Variants in MRPL3 observed in about 807,000 individuals in gnomAD.
MRPL3 encodes the protein large ribosomal subunit protein uL3m.
A neutral mutation model predicts 44.3 loss-of-function variants in MRPL3; 43 were observed. That is an observed-to-expected ratio of 0.97 (90% confidence interval 0.76 to 1.25). The LOEUF (loss-of-function observed/expected upper bound fraction) is 1.25. Among genes scored for constraint, MRPL3 ranks in the 50% most tolerant of loss-of-function variants. The probability of loss-of-function intolerance (pLI) is 0.00; values close to 1 mark genes in which losing one functional copy is unlikely to be tolerated. For synonymous variants in MRPL3, 171 were observed against 152.3 expected (o/e 1.12, Z -0.91); for missense variants, 406 against 427.6 (o/e 0.95, Z 0.45).
chr3:131,489,589 T>C (rs931174877), intron 5 of MRPL3, among the ~76,000 whole-genome samples: 24 of 152,126 alleles, frequency 1.6e-4, no homozygotes, highest in African/African-American at 5.3e-4. Context: ...AATCTTTACA[T>C]TGAGGTGCTA....
chr3:131,493,247 C>T (rs1422186604), intron 4 of MRPL3, among the ~76,000 whole-genome samples: 5 of 152,110 alleles, frequency 3.3e-5, no homozygotes, highest in South Asian at 4.2e-4. Context: ...TATCTGTGTT[C>T]GTTTTATTCT....
chr3:131,462,981 G>T (rs1231105381), intron 9 of MRPL3, 106 bp from the exon 10 acceptor site: 3 of 908,828 alleles, frequency 3.3e-6, no homozygotes. Flanking sequence ...ATTTTCTAAT[G>T]TGAATAACAC....
intron 6 of MRPL3, 52 bp from the exon 7 acceptor site, chr3:131,471,331 C>A (rs1334693687): frequency 8.2e-7 from 1 of 1,214,466 alleles, no homozygotes; most frequent in African/African-American, 1.5e-5. Flanking sequence ...ATAGACCATT[C>A]CCAATTGTAC....
intron 7 of MRPL3, 144 bp downstream of exon 7, chr3:131,471,027 A>C: frequency 3.2e-5 from 19 of 594,806 alleles, no homozygotes; most frequent in East Asian, 1.2e-4. Flanking sequence ...GTGAGGGGCA[A>C]GGATCCATAA....
At chr3:131,467,530 T>C (rs1236345438) in intron 9 of MRPL3, among the ~76,000 whole-genome samples, 3 of 152,078 alleles carry the variant, frequency 2.0e-5, no homozygotes, top group Non-Finnish European at 4.4e-5. Flanking sequence ...GGGGGCAGAC[T>C]TCCCCCTTGC....
intron 6 of MRPL3, among the ~76,000 whole-genome samples, chr3:131,483,572 T>C (rs968364326): frequency 1.3e-5 from 2 of 152,212 alleles, no homozygotes; most frequent in African/African-American, 4.8e-5. Flanking sequence ...TACCTATTTA[T>C]CTAGAGAATT....
chr3:131,467,199 G>A (rs78759709), intron 9 of MRPL3, among the ~76,000 whole-genome samples: 1,715 of 151,958 alleles, frequency 0.011, 33 homozygotes, highest in East Asian at 0.073. Context: ...TTATTCTAGC[G>A]TGTGTGTGCA....
intron 6 of MRPL3, 184 bp from the exon 7 acceptor site, chr3:131,471,463 C>T: frequency 1.8e-6 from 1 of 547,610 alleles, no homozygotes; most frequent in East Asian, 3.0e-5. Context: ...CTGTCTTGGT[C>T]TGCACCCCTT....
chr3:131,487,425 G>A, intron 6 of MRPL3: 1 of 344,474 alleles, frequency 2.9e-6, no homozygotes, highest in South Asian at 3.3e-5. Context: ...TTGTGCACAT[G>A]TACCCTAGAA....
At chr3:131,471,398 TAAATAACTAGAA>T in intron 6 of MRPL3, 119 bp from the exon 7 acceptor site, 1 of 698,894 alleles carries the variant, frequency 1.4e-6, no homozygotes, top group Non-Finnish European at 2.5e-6. Context: ...GCTTCTTATT[TAAATAACTAGAA>T]AAGGCTATAC....
intron 4 of MRPL3, among the ~76,000 whole-genome samples, chr3:131,497,663 A>T (rs984828338): frequency 1.3e-5 from 2 of 152,094 alleles, no homozygotes; most frequent in African/African-American, 4.8e-5. Context: ...ATGCTTTATT[A>T]AAAAAAATCT....
rs1373534536 is a variant in MRPL3 at position 131,502,890 on chromosome 3, A to ACGCCAC, written c.-75_-70dup. ...GCCGCTCTGCTTTCAGGGAGTCCCC[A>ACGCCAC]CGCCACCGCCACGTGGACGCAGTAG... On this transcript the variant is annotated 5_prime_UTR_variant, in exon 1 of 10. Coordinates refer to ENST00000264995, the MANE Select transcript of MRPL3 (RefSeq NM_007208.4). 6.3e-6 allele frequency: 9 copies of ACGCCAC among 1,417,690 alleles called. No homozygotes were observed. In the Admixed American group the frequency reaches 1.6e-4, roughly 26 times the overall value. The allele number at this position is 1,417,690 out of a possible 1,614,324, so 87.8% of individuals were successfully genotyped here. A position where few individuals can be genotyped will look rare whatever the true frequency, so the allele number is the denominator to read the frequency against.
At chr3:131,491,957 T>A (rs750527906) in intron 4 of MRPL3, among the ~76,000 whole-genome samples, 1 of 152,108 alleles carries the variant, frequency 6.6e-6, no homozygotes, top group African/African-American at 2.4e-5. Context: ...TCTGACCTCA[T>A]CTTTTACTCT....
chr3:131,482,142 T>C (rs1934001620), intron 6 of MRPL3, among the ~76,000 whole-genome samples: 1 of 152,198 alleles, frequency 6.6e-6, no homozygotes, highest in Admixed American at 6.5e-5. Flanking sequence ...GGTATTTGAA[T>C]GAAAGGATCC....
At chr3:131,491,910 C>T (rs942861431) in intron 4 of MRPL3, among the ~76,000 whole-genome samples, 3 of 152,100 alleles carry the variant, frequency 2.0e-5, no homozygotes, top group Non-Finnish European at 4.4e-5. Flanking sequence ...AGAATCAAGT[C>T]CTAAGTCCTT....
At position 131,501,717 on chromosome 3, in the gene MRPL3, T is replaced by C; in HGVS notation, c.93-2A>G. 2 of 1,598,780 alleles carry C rather than the reference T, an allele frequency of 1.3e-6. No individual in the cohort carries two copies. The highest frequency in any genetic ancestry group is 1.7e-6 in the Non-Finnish European group (2 of 1,175,208). On this transcript the variant is annotated splice_acceptor_variant, in intron 1 of 9. Coordinates refer to ENST00000264995, the MANE Select transcript of MRPL3 (RefSeq NM_007208.4). LOFTEE classifies it high-confidence loss of function. ...CTAACAAAAAGCCAGATGTGTGTTC[T>C]ATAAAAAGAAAAAATAAATAAAACC...
chr3:131,477,047 G>T (rs1433140874), intron 6 of MRPL3, among the ~76,000 whole-genome samples: 1 of 152,190 alleles, frequency 6.6e-6, no homozygotes, highest in Non-Finnish European at 1.5e-5. Flanking sequence ...AATCTCTAGA[G>T]ATTCTTACTA....
chr3:131,502,649 C>G, intron 1 of MRPL3, 81 bp downstream of exon 1: 1 of 1,207,874 alleles, frequency 8.3e-7, no homozygotes, highest in Non-Finnish European at 1.2e-6. Context: ...CTCCTCCACC[C>G]AGGGGAGGCC....
intron 3 of MRPL3, among the ~76,000 whole-genome samples, chr3:131,499,548 G>A (rs1169458883): frequency 6.6e-6 from 1 of 151,888 alleles, no homozygotes. Flanking sequence ...ATCATTCAGA[G>A]CCAATAATAA....
Sources: gnomAD v4.1 joint callset for allele counts (sites outside exome capture counted in the v4.1 genomes callset) on GRCh38, gnomAD v4.1.1 for gene constraint, MANE v1.5 for transcripts, NCBI Gene and HGNC (gene_info 2026-07-23, HGNC 2026-07-21) for gene names.